The following LSAMP variants were observed in gnomAD, a reference collection of about 807,000 sequenced individuals.
The protein encoded by LSAMP is limbic system associated membrane protein, also known as limbic system-associated membrane protein.
Under a neutral mutation model 38.6 loss-of-function variants are expected in LSAMP, and 7 were observed. The observed-to-expected ratio is 0.18, with a 90% confidence interval of 0.10 to 0.34. The LOEUF (loss-of-function observed/expected upper bound fraction) is 0.34. Among genes scored for constraint, LSAMP ranks in the 10% least tolerant of loss-of-function variants. The probability of loss-of-function intolerance (pLI) is 1.00; values close to 1 mark genes in which losing one functional copy is unlikely to be tolerated. For synonymous variants in LSAMP, 154 were observed against 166.8 expected (o/e 0.92, Z 0.59); for missense variants, 313 against 420.0 (o/e 0.75, Z 2.23).
chr3:116,289,781 C>T (rs1043717555), intron 1 of LSAMP, among the ~76,000 whole-genome samples: 5 of 152,004 alleles, frequency 3.3e-5, no homozygotes, highest in Non-Finnish European at 7.4e-5. Context: ...ATCAAATTGG[C>T]CATATTAAAA....
intron 1 of LSAMP, among the ~76,000 whole-genome samples, chr3:116,321,374 AAAAAAC>A (rs1475499129): frequency 6.6e-6 from 1 of 152,158 alleles, no homozygotes; most frequent in Non-Finnish European, 1.5e-5. Flanking sequence ...GTCTGCCTCA[AAAAAAC>A]AAAAACAAAA....
At chr3:115,912,467 T>G (rs1349249608) in intron 3 of LSAMP, among the ~76,000 whole-genome samples, 1 of 152,208 alleles carries the variant, frequency 6.6e-6, no homozygotes, top group Non-Finnish European at 1.5e-5. Flanking sequence ...ACTCTCCATG[T>G]GGACTCTACT....
rs1361459555 is a variant in LSAMP at position 115,803,274 on chromosome 3, C to T, written c.*7043G>A. On this transcript the variant is annotated 3_prime_UTR_variant, in exon 7 of 7. Coordinates refer to ENST00000490035, the MANE Select transcript of LSAMP (RefSeq NM_002338.5). Reference sequence around the variant, plus strand: ...TAAGTAATCTAAGCACATCATATATCCTTACCTACACAAAGTGATGTGATT... The same window carrying T: ...TAAGTAATCTAAGCACATCATATATTCTTACCTACACAAAGTGATGTGATT... The T allele has an allele frequency of 6.6e-6, 1 of 152,170 alleles. No homozygotes were observed. Among genetic ancestry groups the T allele is most frequent in the African/African-American group, 2.4e-5 (1 of 41,426 alleles). 9.4% of individuals were successfully genotyped at this position (152,170 alleles called of 1,614,324 possible).
chr3:116,238,611 C>A (rs148675132), intron 1 of LSAMP, among the ~76,000 whole-genome samples: 1 of 152,214 alleles, frequency 6.6e-6, no homozygotes, highest in African/African-American at 2.4e-5. Context: ...TACCTAACAC[C>A]TCTATACAAA....
At chr3:116,250,080 C>T (rs879511310) in intron 1 of LSAMP, among the ~76,000 whole-genome samples, 3 of 152,132 alleles carry the variant, frequency 2.0e-5, no homozygotes, top group Non-Finnish European at 4.4e-5. Context: ...AAATCCAGAT[C>T]TTAACATTAT....
At chr3:116,304,452 G>A (rs2047455653) in intron 1 of LSAMP, among the ~76,000 whole-genome samples, 1 of 152,100 alleles carries the variant, frequency 6.6e-6, no homozygotes, top group African/African-American at 2.4e-5. Flanking sequence ...ACAACATGGT[G>A]GCTACGAGGA....
intron 1 of LSAMP, among the ~76,000 whole-genome samples, chr3:116,236,902 T>C (rs1181845579): frequency 2.0e-5 from 3 of 151,712 alleles, no homozygotes; most frequent in Admixed American, 1.3e-4. Context: ...CTAGATGACT[T>C]ATAAGGTCAT....
intron 1 of LSAMP, among the ~76,000 whole-genome samples, chr3:116,208,678 C>T (rs1355522180): frequency 6.6e-6 from 1 of 152,128 alleles, no homozygotes; most frequent in Non-Finnish European, 1.5e-5. Context: ...TGTCAGTGTG[C>T]CCCTGCTGGG....
chr3:115,923,560 T>G (rs781011051), intron 3 of LSAMP, among the ~76,000 whole-genome samples: 2 of 152,216 alleles, frequency 1.3e-5, no homozygotes, highest in Non-Finnish European at 2.9e-5. Context: ...AGTCTTAATT[T>G]AGATAATCTA....
chr3:115,891,211 A>G (rs566786471), intron 3 of LSAMP, among the ~76,000 whole-genome samples: 2 of 152,080 alleles, frequency 1.3e-5, no homozygotes, highest in East Asian at 3.9e-4. Context: ...CCATGTATAC[A>G]TATTCATTGC....
chr3:116,249,379 G>A (rs2046648715), intron 1 of LSAMP, among the ~76,000 whole-genome samples: 1 of 115,118 alleles, frequency 8.7e-6, no homozygotes, highest in Admixed American at 9.8e-5. Flanking sequence ...GAGACTAGTA[G>A]AAGATTCTAT....
At chr3:115,934,758 C>G (rs1004417420) in intron 3 of LSAMP, among the ~76,000 whole-genome samples, 4 of 152,104 alleles carry the variant, frequency 2.6e-5, no homozygotes, top group African/African-American at 9.7e-5. Context: ...AGATTTGAAG[C>G]CTAGGGAAAA....
intron 1 of LSAMP, among the ~76,000 whole-genome samples, chr3:116,305,172 T>A (rs2047465998): frequency 6.6e-6 from 1 of 152,136 alleles, no homozygotes; most frequent in African/African-American, 2.4e-5. Context: ...CACATAATTC[T>A]ACTATAGTTC....
Position 116,234,848 on chromosome 3 carries a change from T to A in LSAMP, c.156-148292A>T, listed in dbSNP as rs199649397. Among the ~76,000 whole-genome samples, 20 of 152,292 alleles carry A rather than the reference T, an allele frequency of 1.3e-4. 1 individual carries two copies. In the East Asian group the frequency reaches 3.5e-3, roughly 26 times the overall value. On this transcript the variant is annotated intron_variant, in intron 1 of 6. Transcript: ENST00000490035. Reference sequence around the variant, plus strand: ...GGAATGTACCTCCCAAAATTATATTTCATGGCACATGTGCATTCTTTGGAA... The same window carrying A: ...GGAATGTACCTCCCAAAATTATATTACATGGCACATGTGCATTCTTTGGAA...
chr3:116,444,811 A>C (rs111880768), intron 1 of LSAMP, 66 bp downstream of exon 1: 27,180 of 676,542 alleles, frequency 0.04, 277 homozygotes, highest in Admixed American at 0.25. Flanking sequence ...CACACACACA[A>C]ACACACACAC....
intron 1 of LSAMP, among the ~76,000 whole-genome samples, chr3:116,400,353 CTCTT>C (rs978669890): frequency 2.6e-5 from 4 of 151,866 alleles, no homozygotes; most frequent in Non-Finnish European, 5.9e-5. Flanking sequence ...TCTTTCTTTC[CTCTT>C]TCTTTCTTCC....
At chr3:115,905,380 A>C (rs1936982993) in intron 3 of LSAMP, among the ~76,000 whole-genome samples, 1 of 152,074 alleles carries the variant, frequency 6.6e-6, no homozygotes, top group South Asian at 2.1e-4. Context: ...GTGCACAGAC[A>C]CATGGCATCC....
rs756294508 is a variant in LSAMP at position 116,086,311 on chromosome 3, A to C, written c.388+13T>G. The C allele has an allele frequency of 1.2e-6, 2 of 1,607,374 alleles. No individual in the cohort carries two copies. The highest frequency in any genetic ancestry group is 2.2e-5 in the South Asian group (2 of 90,916). ...CTCTTTCTTACCACCCTTCTATCCCACACTTTCCTTACCTTGTACGATCAA... is the reference window on the plus strand; with the variant it reads ...CTCTTTCTTACCACCCTTCTATCCCCCACTTTCCTTACCTTGTACGATCAA... On this transcript the variant is annotated intron_variant, in intron 2 of 6. Coordinates refer to ENST00000490035, the MANE Select transcript of LSAMP (RefSeq NM_002338.5).
chr3:116,320,135 C>T (rs2047688407), intron 1 of LSAMP, among the ~76,000 whole-genome samples: 1 of 152,180 alleles, frequency 6.6e-6, no homozygotes, highest in South Asian at 2.1e-4. Context: ...ACTAATGAGG[C>T]AGGACGTGGT....
Sources: gnomAD v4.1 joint callset for allele counts (sites outside exome capture counted in the v4.1 genomes callset) on GRCh38, gnomAD v4.1.1 for gene constraint, MANE v1.5 for transcripts, NCBI Gene and HGNC (gene_info 2026-07-23, HGNC 2026-07-21) for gene names.